SMAD5: variants seen among roughly 807,000 people sequenced by gnomAD.
The protein encoded by SMAD5 is SMAD family member 5.
A neutral mutation model predicts 43.1 loss-of-function variants in SMAD5; 9 were observed. The ratio of observed to expected loss-of-function variants is 0.21; its 90% CI spans 0.13 to 0.36. SMAD5 has a LOEUF of 0.36. Ranked by LOEUF, SMAD5 falls within the 10% of genes least tolerant of loss-of-function variation. The pLI, the probability that SMAD5 is intolerant of heterozygous loss-of-function variation, is 1.00. For synonymous variants in SMAD5, 190 were observed against 192.4 expected (o/e 0.99, Z 0.10); for missense variants, 348 against 574.0 (o/e 0.61, Z 4.02).
chr5:136,154,083 A>C lies in SMAD5; in HGVS notation c.323A>C (p.Asp108Ala), dbSNP rs1441574876. The stretch of plus-strand genomic sequence containing the variant: ...AGTCATCATGAGCTAAAGCCGTTGG[A>C]TATTTGTGAATTTCCTTTTGGATCT... The part of the protein sequence containing the change: ...LQSHHELKPL[D>A]ICEFPFGSKQ... Residue 108 changes from aspartate to alanine, a missense_variant, in exon 3 of 8, where the codon GAT becomes GCT. By Grantham distance (126) the Asp-to-Ala change is moderately radical. Around this residue, in one of 5 missense-constraint regions of SMAD5, gnomAD observed 27 missense variants for 53.9 expected, o/e 0.50. Transcript: ENST00000545279. 6.3e-7 allele frequency: 1 copy of C among 1,597,170 alleles called. No homozygotes were observed. Among genetic ancestry groups the C allele is most frequent in the Non-Finnish European group, 8.5e-7 (1 of 1,171,558 alleles).
At chr5:136,160,727 C>T in intron 3 of SMAD5, 129 bp from the exon 4 acceptor site, 2 of 832,960 alleles carry the variant, frequency 2.4e-6, no homozygotes, top group Non-Finnish European at 3.7e-6. Context: ...TATAAAACAG[C>T]CCTTTCTAAA....
intron 5 of SMAD5, 39 bp downstream of exon 5, chr5:136,163,430 G>C (rs1197287750): frequency 1.3e-6 from 2 of 1,511,246 alleles, no homozygotes; most frequent in Admixed American, 4.3e-5. Flanking sequence ...TATAGTAGTA[G>C]TTGTTTTTAA....
chr5:136,137,017 A>ATTT (rs60239443), intron 1 of SMAD5, among the ~76,000 whole-genome samples: 1 of 109,012 alleles, frequency 9.2e-6, no homozygotes. Flanking sequence ...TTTAGTTTTG[A>ATTT]TTTTTTTTTT....
At chr5:136,175,627 C>T (rs1348588153) in intron 7 of SMAD5, among the ~76,000 whole-genome samples, 1 of 152,160 alleles carries the variant, frequency 6.6e-6, no homozygotes, top group African/African-American at 2.4e-5. Context: ...CATATTTAAG[C>T]AATCTGTACT....
rs116782497 is a variant in SMAD5 at position 136,171,164 on chromosome 5, A to G, written c.776-1270A>G. The stretch of plus-strand genomic sequence containing the variant: ...ACCTTCTAGTTTCCTACCATTAAGT[A>G]TGATGTTAGCTGTAGATGTTCCGTA... On this transcript the variant is annotated intron_variant, in intron 5 of 7. Transcript: ENST00000545279. Among the ~76,000 whole-genome samples, 516 of 152,284 alleles carry G rather than the reference A, an allele frequency of 3.4e-3. 7 individuals are homozygous for G. Among genetic ancestry groups the G allele is most frequent in the African/African-American group, 0.012 (480 of 41,568 alleles).
intron 3 of SMAD5, among the ~76,000 whole-genome samples, chr5:136,158,715 C>T (rs557325766): frequency 1.2e-4 from 18 of 152,126 alleles, no homozygotes; most frequent in Admixed American, 7.2e-4. Context: ...CTGGCTAATA[C>T]GGTGAAACCC....
At position 136,182,247 on chromosome 5, in the gene SMAD5, A is replaced by T. The variant is rs79635341; in HGVS notation, c.*4767A>T. On this transcript the variant is annotated 3_prime_UTR_variant, in exon 8 of 8. Coordinates refer to ENST00000545279, the MANE Select transcript of SMAD5 (RefSeq NM_005903.7). ...AGTTCTTTGTGGAAAAAAAAAAAAAATCTTTTAGGGTCAGATTTTCCCTTC... is the reference window on the plus strand; with the variant it reads ...AGTTCTTTGTGGAAAAAAAAAAAAATTCTTTTAGGGTCAGATTTTCCCTTC... 1 of 151,618 alleles carries T rather than the reference A, an allele frequency of 6.6e-6. No individual in the cohort carries two copies. Among genetic ancestry groups the T allele is most frequent in the Non-Finnish European group, 1.5e-5 (1 of 67,906 alleles). The allele number at this position is 151,618 out of a possible 1,614,324, so 9.4% of individuals were successfully genotyped here.
rs1012811145 is a variant in SMAD5 at position 136,182,562 on chromosome 5, G to A, written c.*5082G>A. On this transcript the variant is annotated 3_prime_UTR_variant, in exon 8 of 8. Coordinates refer to ENST00000545279, the MANE Select transcript of SMAD5 (RefSeq NM_005903.7). ...GCTTATTTGTATTTGTTGTGCTTCT[G>A]TTTATGTTGTAGAAGCTGAAATTCT... The A allele has an allele frequency of 6.6e-6, 1 of 152,526 alleles. No homozygotes were observed. Among genetic ancestry groups the A allele is most frequent in the African/African-American group, 2.4e-5 (1 of 41,414 alleles). The allele number at this position is 152,526 out of a possible 1,614,324, so 9.4% of individuals were successfully genotyped here.
chr5:136,157,864 TGATTA>T (rs1165930936), intron 3 of SMAD5, among the ~76,000 whole-genome samples: 3 of 152,170 alleles, frequency 2.0e-5, no homozygotes, highest in Admixed American at 2.0e-4. Flanking sequence ...TATTGTCTAT[TGATTA>T]AGACTGTGGG....
At chr5:136,176,156 TAAAA>T (rs919898966) in intron 7 of SMAD5, among the ~76,000 whole-genome samples, 1 of 145,128 alleles carries the variant, frequency 6.9e-6, no homozygotes, top group African/African-American at 2.5e-5. Context: ...AATTTTTCGT[TAAAA>T]AAAAAAACCT....
intron 5 of SMAD5, among the ~76,000 whole-genome samples, chr5:136,167,216 C>A (rs1348739152): frequency 2.0e-5 from 3 of 151,784 alleles, no homozygotes; most frequent in Admixed American, 6.6e-5. Flanking sequence ...CTCTAATCTT[C>A]CTGATGTTAC....
At chr5:136,157,728 T>C (rs1383147136) in intron 3 of SMAD5, among the ~76,000 whole-genome samples, 1 of 152,124 alleles carries the variant, frequency 6.6e-6, no homozygotes, top group African/African-American at 2.4e-5. Context: ...GTGAGAGCAA[T>C]GGGGAGTGGC....
chr5:136,146,790 C>T (rs1392191286), intron 1 of SMAD5, among the ~76,000 whole-genome samples: 1 of 151,660 alleles, frequency 6.6e-6, no homozygotes, highest in Non-Finnish European at 1.5e-5. Context: ...TTTACTTTTA[C>T]TATAGGTGGT....
At chr5:136,149,017 CT>C (rs1229746075) in intron 2 of SMAD5, among the ~76,000 whole-genome samples, 2 of 151,922 alleles carry the variant, frequency 1.3e-5, no homozygotes, top group Non-Finnish European at 2.9e-5. Context: ...TTCTAGCTCC[CT>C]AGAAGGCTGT....
rs2149784547 is a variant in SMAD5 at position 136,179,674 on chromosome 5, C to G, written c.*2194C>G. On this transcript the variant is annotated 3_prime_UTR_variant, in exon 8 of 8. Transcript: ENST00000545279. Reference sequence around the variant, plus strand: ...AGCCTTAAATGTAAGTATTACATGACATGCATTCTGTTTCTTCCAGAGTTC... The same window carrying G: ...AGCCTTAAATGTAAGTATTACATGAGATGCATTCTGTTTCTTCCAGAGTTC... 6.6e-6 allele frequency: 1 copy of G among 152,284 alleles called. No homozygotes were observed. Among genetic ancestry groups the G allele is most frequent in the South Asian group, 2.1e-4 (1 of 4,826 alleles). The allele number at this position is 152,284 out of a possible 1,614,324, so 9.4% of individuals were successfully genotyped here.
chr5:136,154,075 G>T lies in SMAD5; in HGVS notation c.315G>T (p.Lys105Asn). The T allele has an allele frequency of 6.2e-7, 1 of 1,600,916 alleles. No individual in the cohort carries two copies. ...WPDLQSHHELKPLDICEFPFG... is the reference protein window; with the variant it reads ...WPDLQSHHELNPLDICEFPFG... ...ATTTGCAGAGTCATCATGAGCTAAA[G>T]CCGTTGGATATTTGTGAATTTCCTT... Residue 105 changes from lysine (K) to asparagine (N), a missense_variant, in exon 3 of 8, where the codon AAG becomes AAT. Around this residue, in one of 5 missense-constraint regions of SMAD5, gnomAD observed 27 missense variants for 53.9 expected, o/e 0.50. Coordinates refer to ENST00000545279, the MANE Select transcript of SMAD5 (RefSeq NM_005903.7).
intron 1 of SMAD5, among the ~76,000 whole-genome samples, chr5:136,145,267 G>A (rs1284279196): frequency 1.3e-4 from 20 of 151,856 alleles, no homozygotes; most frequent in Admixed American, 1.3e-3. Context: ...TTCAGTCTCA[G>A]TGTGGACATT....
In SMAD5 at chr5:136,181,151, A is replaced by G. The variant is rs1754613827; in HGVS notation, c.*3671A>G. The G allele has an allele frequency of 6.6e-6, 1 of 152,082 alleles. No homozygotes were observed. The highest frequency in any genetic ancestry group is 2.1e-4 in the South Asian group (1 of 4,822). 9.4% of individuals were successfully genotyped at this position (152,082 alleles called of 1,614,324 possible). A position where few individuals can be genotyped will look rare whatever the true frequency, so the allele number is the denominator to read the frequency against. On this transcript the variant is annotated 3_prime_UTR_variant, in exon 8 of 8. Transcript: ENST00000545279. ...TATTTCTTTATACTTTTTCTAATCAATTGCTTAATAGTACTTTGGATGATT... is the reference window on the plus strand; with the variant it reads ...TATTTCTTTATACTTTTTCTAATCAGTTGCTTAATAGTACTTTGGATGATT...
rs953521337 is a variant in SMAD5, at chr5:136,178,976, C to T, written c.*1496C>T. 1 of 152,454 alleles carries T rather than the reference C, an allele frequency of 6.6e-6. No homozygotes were observed. Among genetic ancestry groups the T allele is most frequent in the African/African-American group, 2.4e-5 (1 of 41,446 alleles). 9.4% of individuals were successfully genotyped at this position (152,454 alleles called of 1,614,324 possible). On this transcript the variant is annotated 3_prime_UTR_variant, in exon 8 of 8. Transcript: ENST00000545279. ...GCTGAGGCAGAAGAATCACTTGAAC[C>T]TGGGAGGCGGAGGTTGTGGTGAGCC...
Sources: gnomAD v4.1 joint callset for allele counts (sites outside exome capture counted in the v4.1 genomes callset) on GRCh38, gnomAD v4.1.1 for gene constraint, gnomAD v4.1.1 regional missense constraint, MANE v1.5 for transcripts, NCBI Gene and HGNC (gene_info 2026-07-23, HGNC 2026-07-21) for gene names.